Variants in P2RY6 observed in about 807,000 individuals in gnomAD.
P2RY6 encodes pyrimidinergic receptor P2Y6.
P2RY6 carries 19 observed loss-of-function variants against 16.3 expected under a neutral mutation model. The ratio of observed to expected loss-of-function variants is 1.16; its 90% CI spans 0.81 to 1.71. The LOEUF (loss-of-function observed/expected upper bound fraction) is 1.71. Ranked by LOEUF, P2RY6 falls within the 40% of genes most tolerant of loss-of-function variation. The pLI is 0.00. For synonymous variants in P2RY6, 184 were observed against 201.5 expected (o/e 0.91, Z 0.74); for missense variants, 389 against 455.5 (o/e 0.85, Z 1.33).
chr11:73,298,622 CT>C lies in P2RY6; in HGVS notation c.*1118del, dbSNP rs907986486. On this transcript the variant is annotated 3_prime_UTR_variant, in exon 3 of 3. Transcript: ENST00000540124. ...TCTACAAAAAAATATAAAAAATAGC[CT>C]GGTGTGGTGGTGTCTGACTGTAGTA... The C allele has an allele frequency of 6.4e-6, 1 of 155,488 alleles. No individual in the cohort carries two copies. Among genetic ancestry groups the C allele is most frequent in the Non-Finnish European group, 1.5e-5 (1 of 68,062 alleles). 9.6% of individuals were successfully genotyped at this position (155,488 alleles called of 1,614,324 possible).
chr11:73,271,060 A>G (rs1330365817), upstream of P2RY6, among the ~76,000 whole-genome samples: 1 of 152,186 alleles, frequency 6.6e-6, no homozygotes, highest in Non-Finnish European at 1.5e-5. Context: ...TTTGACCTCA[A>G]GTGCGTTGAA....
At chr11:73,287,358 G>A (rs1394079842) in intron 1 of P2RY6, among the ~76,000 whole-genome samples, 2 of 152,228 alleles carry the variant, frequency 1.3e-5, no homozygotes, top group Non-Finnish European at 2.9e-5. Context: ...TCCACCCTGA[G>A]CCAGTTACAG....
chr11:73,287,605 G>A (rs953494210), intron 1 of P2RY6, among the ~76,000 whole-genome samples: 2 of 152,220 alleles, frequency 1.3e-5, no homozygotes, highest in Admixed American at 6.5e-5. Context: ...CCACGGACTG[G>A]AGCCTGGTTA....
At chr11:73,267,023 C>T (rs1286760760) in intron 1 of P2RY6, among the ~76,000 whole-genome samples, 1 of 152,192 alleles carries the variant, frequency 6.6e-6, no homozygotes, top group East Asian at 1.9e-4. Context: ...CCAATTCTGG[C>T]TATAATTGTT....
At position 73,295,305 on chromosome 11, in the gene P2RY6, C is replaced by T. The variant is rs567650325; in HGVS notation, c.-120-425C>T. On this transcript the variant is annotated intron_variant, in intron 1 of 2. Transcript: ENST00000540124. ...TTTATTGAGCACTACTGAATGTCATCACCGCATATTTCACTGATGAGGACA... is the reference window on the plus strand; with the variant it reads ...TTTATTGAGCACTACTGAATGTCATTACCGCATATTTCACTGATGAGGACA... Among the ~76,000 whole-genome samples the T allele has an allele frequency of 5.9e-5, 9 of 152,308 alleles. No homozygotes were observed. The South Asian group carries it at 1.9e-3, about 32-fold the overall frequency.
rs760542468 is a variant in P2RY6 at position 73,296,917 on chromosome 11, C to T, written c.399C>T (p.Ala133=). The T allele has an allele frequency of 6.2e-7, 1 of 1,608,990 alleles. No homozygotes were observed. The highest frequency in any genetic ancestry group is 8.5e-7 in the Non-Finnish European group (1 of 1,180,020). The change falls in exon 3 of 3, where the codon GCC becomes GCT. Residue 133 remains alanine (A), a synonymous_variant. Coordinates refer to ENST00000540124, the MANE Select transcript of P2RY6 (RefSeq NM_001277204.2). ...ACCTGGGCATCTGCCACCCGCTGGC[C>T]CCCTGGCACAAACGTGGGGGCCGCC... The part of the protein sequence containing the change: ...QRYLGICHPL[A]PWHKRGGRRA...
intron 1 of P2RY6, among the ~76,000 whole-genome samples, chr11:73,292,594 C>A (rs1864301186): frequency 6.6e-6 from 1 of 152,232 alleles, no homozygotes; most frequent in Non-Finnish European, 1.5e-5. Context: ...CTCCCCTACC[C>A]CTCCTCCTCT....
At chr11:73,284,421 C>T (rs1863884904) in intron 1 of P2RY6, among the ~76,000 whole-genome samples, 1 of 152,060 alleles carries the variant, frequency 6.6e-6, no homozygotes, top group Admixed American at 6.5e-5. Context: ...TGATCCTGTG[C>T]AGGGAGGTGA....
At chr11:73,288,410 C>G (rs1214509626) in intron 1 of P2RY6, among the ~76,000 whole-genome samples, 1 of 152,178 alleles carries the variant, frequency 6.6e-6, no homozygotes, top group Non-Finnish European at 1.5e-5. Context: ...AGCTTTAATT[C>G]CTGTTGAGTG....
chr11:73,268,232 T>C (rs1489763226), upstream of P2RY6, among the ~76,000 whole-genome samples: 1 of 152,214 alleles, frequency 6.6e-6, no homozygotes, highest in Non-Finnish European at 1.5e-5. Flanking sequence ...GGCCTCTCTG[T>C]GGTTTCCTAT....
At chr11:73,293,526 G>A (rs1460784629) in intron 1 of P2RY6, among the ~76,000 whole-genome samples, 1 of 152,220 alleles carries the variant, frequency 6.6e-6, no homozygotes, top group East Asian at 1.9e-4. Flanking sequence ...AGTGACAGAT[G>A]TCAGCGCCAA....
intron 1 of P2RY6, among the ~76,000 whole-genome samples, chr11:73,278,689 T>G (rs1176867894): frequency 6.6e-6 from 1 of 152,238 alleles, no homozygotes; most frequent in Non-Finnish European, 1.5e-5. Context: ...CGTTGTAGTA[T>G]GTATCAGAAT....
chr11:73,272,616 C>T lies in P2RY6; in HGVS notation c.-121+150C>T, dbSNP rs566309871. ...GGCACTGGGGTCCTCCTCCTTCCTC[C>T]GCCTGGCTATGCCTGGAGCCTGCAG... On this transcript the variant is annotated intron_variant, in intron 1 of 2. Coordinates refer to ENST00000540124, the MANE Select transcript of P2RY6 (RefSeq NM_001277204.2). 2.5e-5 allele frequency: 15 copies of T among 600,838 alleles called. No homozygotes were observed. The East Asian group carries it at 1.1e-3, about 45-fold the overall frequency. 37.2% of individuals were successfully genotyped at this position (600,838 alleles called of 1,614,324 possible).
At chr11:73,288,844 A>G (rs1864072947) in intron 1 of P2RY6, among the ~76,000 whole-genome samples, 1 of 152,234 alleles carries the variant, frequency 6.6e-6, no homozygotes, top group Middle Eastern at 3.2e-3. Flanking sequence ...CCTCAGGGGA[A>G]GGAAGCGAAC....
At chr11:73,290,303 AAAAG>A (rs563446982) in intron 1 of P2RY6, among the ~76,000 whole-genome samples, 20,982 of 111,852 alleles carry the variant, frequency 0.19, 1,756 homozygotes, top group South Asian at 0.22. Flanking sequence ...AGAAAGAAAG[AAAAG>A]AAAGAAAGAA....
At chr11:73,272,209 T>C (rs1488541478), upstream of P2RY6, 3 of 253,752 alleles carry the variant, frequency 1.2e-5, no homozygotes, top group East Asian at 3.6e-4. Flanking sequence ...TGAGTCAGCA[T>C]TGGTGTAAAG....
chr11:73,289,167 G>A (rs2135737253), intron 1 of P2RY6, among the ~76,000 whole-genome samples: 1 of 152,366 alleles, frequency 6.6e-6, no homozygotes, highest in Admixed American at 6.5e-5. Flanking sequence ...GAAGGGCTAG[G>A]CCCCTTGTCA....
upstream of P2RY6, among the ~76,000 whole-genome samples, chr11:73,269,084 G>C (rs1344189724): frequency 6.6e-6 from 1 of 152,234 alleles, no homozygotes; most frequent in South Asian, 2.1e-4. Context: ...CCTGGCGGCA[G>C]GGCCTCGGGG....
intron 1 of P2RY6, among the ~76,000 whole-genome samples, chr11:73,278,832 T>C (rs150206443): frequency 6.6e-6 from 1 of 152,360 alleles, no homozygotes; most frequent in African/African-American, 2.4e-5. Context: ...TGAACATTGA[T>C]GTATAAACTT....
Sources: allele counts gnomAD v4.1 joint callset (sites outside exome capture counted in the v4.1 genomes callset), GRCh38; gene constraint gnomAD v4.1.1; transcripts MANE v1.5; gene names NCBI Gene and HGNC (gene_info 2026-07-23, HGNC 2026-07-21).